STIM1: variants seen among roughly 807,000 people sequenced by gnomAD.
The protein encoded by STIM1 is stromal interaction molecule 1.
Under a neutral mutation model 74.7 loss-of-function variants are expected in STIM1, and 25 were observed. The ratio of observed to expected loss-of-function variants is 0.33; its 90% CI spans 0.24 to 0.47. STIM1 has a LOEUF of 0.47. Among genes scored for constraint, STIM1 ranks in the 20% least tolerant of loss-of-function variants. STIM1 has a pLI of 1.00. For synonymous variants in STIM1, 328 were observed against 348.8 expected (o/e 0.94, Z 0.66); for missense variants, 728 against 920.8 (o/e 0.79, Z 2.71).
At chr11:3,921,091 C>T (rs544481360) in intron 1 of STIM1, among the ~76,000 whole-genome samples, 2 of 152,062 alleles carry the variant, frequency 1.3e-5, no homozygotes, top group Admixed American at 6.6e-5. Flanking sequence ...CCACTGCACC[C>T]GACCTACCCT....
chr11:3,924,236 T>G (rs1433033480), intron 1 of STIM1, among the ~76,000 whole-genome samples: 3 of 150,506 alleles, frequency 2.0e-5, no homozygotes, highest in African/African-American at 7.4e-5. Context: ...TCTCCCTCTG[T>G]CACCCAGTCT....
At chr11:3,927,616 A>G (rs1045111903) in intron 1 of STIM1, among the ~76,000 whole-genome samples, 1 of 152,172 alleles carries the variant, frequency 6.6e-6, no homozygotes, top group Non-Finnish European at 1.5e-5. Context: ...AGCAGGGTGC[A>G]GTGATGGTGG....
Position 3,856,084 on chromosome 11 carries a change from C to T in STIM1, c.-187C>T. On this transcript the variant is annotated 5_prime_UTR_variant, in exon 1 of 13. Coordinates refer to ENST00000526596, the MANE Select transcript of STIM1 (RefSeq NM_001382567.1). ...TGGACCTGAGGAGCCAGCCCTCCTC[C>T]CGCACCCAAACTTGGAGCACTTGAC... The T allele has an allele frequency of 1.4e-6, 1 of 699,554 alleles. No homozygotes were observed. Among genetic ancestry groups the T allele is most frequent in the Non-Finnish European group, 2.4e-6 (1 of 413,868 alleles). 43.3% of individuals were successfully genotyped at this position (699,554 alleles called of 1,614,324 possible).
chr11:4,079,579 AAAAAT>A (rs1201983975), intron 7 of STIM1, among the ~76,000 whole-genome samples: 1 of 152,156 alleles, frequency 6.6e-6, no homozygotes, highest in African/African-American at 2.4e-5. Context: ...ATCTCAAAAA[AAAAAT>A]AAAATAAAAA....
At chr11:3,989,270 C>G in intron 2 of STIM1, 1 of 919,200 alleles carries the variant, frequency 1.1e-6, no homozygotes, top group Non-Finnish European at 1.8e-6. Flanking sequence ...TTAGCCACTT[C>G]GGCCTGTTTT....
chr11:3,895,093 A>G (rs371396328), intron 1 of STIM1, among the ~76,000 whole-genome samples: 4 of 152,168 alleles, frequency 2.6e-5, no homozygotes, highest in Non-Finnish European at 4.4e-5. Context: ...TCTTAGCAAT[A>G]GCTTTGGCTG....
chr11:3,928,046 TG>T (rs2092809814), intron 1 of STIM1, among the ~76,000 whole-genome samples: 2 of 152,218 alleles, frequency 1.3e-5, no homozygotes, highest in South Asian at 4.1e-4. Flanking sequence ...GGCCTAGATT[TG>T]TGCCTGAAAT....
intron 3 of STIM1, among the ~76,000 whole-genome samples, chr11:4,028,771 A>G (rs576383057): frequency 3.3e-5 from 5 of 152,262 alleles, no homozygotes; most frequent in Middle Eastern, 3.4e-3. Context: ...GTACCTATCA[A>G]TCTTTGATTC....
chr11:4,013,638 T>C (rs1423904790), intron 2 of STIM1, among the ~76,000 whole-genome samples: 1 of 151,026 alleles, frequency 6.6e-6, no homozygotes, highest in Non-Finnish European at 1.5e-5. Context: ...GTATGATTCT[T>C]CTCTCTTCTT....
chr11:4,091,259 C>T (rs1220966869), intron 12 of STIM1, 23 bp from the exon 13 acceptor site: 4 of 1,613,918 alleles, frequency 2.5e-6, no homozygotes, highest in African/African-American at 1.3e-5. Flanking sequence ...TCCCTTTCTT[C>T]CTCTCTGCCC....
intron 2 of STIM1, among the ~76,000 whole-genome samples, chr11:4,004,615 C>T (rs11030586): frequency 0.051 from 7,727 of 150,706 alleles, 325 homozygotes; most frequent in East Asian, 0.19. Context: ...AAACGTTAGA[C>T]CTAAAACCAT....
chr11:3,962,374 T>A (rs1014175641), intron 1 of STIM1, among the ~76,000 whole-genome samples: 1 of 152,044 alleles, frequency 6.6e-6, no homozygotes, highest in African/African-American at 2.4e-5. Flanking sequence ...TCACTTCAGA[T>A]AGCGGCCTCC....
intron 3 of STIM1, among the ~76,000 whole-genome samples, chr11:4,050,928 G>T (rs999989861): frequency 4.6e-5 from 7 of 152,214 alleles, no homozygotes; most frequent in Non-Finnish European, 1.0e-4. Context: ...AGTGGAAGTG[G>T]ATCATCATAA....
intron 11 of STIM1, 28 bp from the exon 12 acceptor site, chr11:4,086,449 C>T: frequency 6.2e-7 from 1 of 1,612,738 alleles, no homozygotes; most frequent in Non-Finnish European, 8.5e-7. Context: ...GCTGGCCCCT[C>T]CTGACACTTT....
chr11:3,983,395 G>C (rs928557145), intron 2 of STIM1, among the ~76,000 whole-genome samples: 2 of 152,088 alleles, frequency 1.3e-5, no homozygotes, highest in African/African-American at 4.8e-5. Context: ...ATGTCAGACT[G>C]AAGAGTCCTG....
intron 2 of STIM1, among the ~76,000 whole-genome samples, chr11:4,016,590 A>T (rs1480073440): frequency 6.6e-6 from 1 of 152,250 alleles, no homozygotes; most frequent in African/African-American, 2.4e-5. Flanking sequence ...CAGAGCTGTC[A>T]GGCAGGGACG....
chr11:3,965,692 A>T (rs2093333262), intron 1 of STIM1, among the ~76,000 whole-genome samples: 1 of 152,200 alleles, frequency 6.6e-6, no homozygotes, highest in Admixed American at 6.5e-5. Context: ...CATACTGTTT[A>T]TCATACTTTT....
chr11:3,885,189 T>G (rs1466153295), intron 1 of STIM1, among the ~76,000 whole-genome samples: 1 of 152,108 alleles, frequency 6.6e-6, no homozygotes, highest in African/African-American at 2.4e-5. Context: ...GATAATTTTT[T>G]TTTTTTTGAG....
rs1462206702 is a variant in STIM1, at chr11:3,863,262, GTGTGTA to G, written c.139+6857_139+6862del. ...TGTGTGTGTGTGTGTGTGTGTGTGT[GTGTGTA>G]TGTATTTGAGACAGGGTCTCTCTGT... is the stretch of plus-strand genomic sequence containing the variant. On this transcript the variant is annotated intron_variant, in intron 1 of 12. Transcript: ENST00000526596. Among the ~76,000 whole-genome samples the G allele has an allele frequency of 7.9e-4, 48 of 60,606 alleles. 1 individual carries two copies. Among genetic ancestry groups the G allele is most frequent in the African/African-American group, 2.6e-3 (32 of 12,192 alleles). The allele number at this position is 60,606 out of a possible 152,430, so 39.8% of individuals were successfully genotyped here. A position where few individuals can be genotyped will look rare whatever the true frequency, so the allele number is the denominator to read the frequency against.
Sources: allele counts gnomAD v4.1 joint callset (sites outside exome capture counted in the v4.1 genomes callset), GRCh38; gene constraint gnomAD v4.1.1; transcripts MANE v1.5; gene names NCBI Gene and HGNC (gene_info 2026-07-23, HGNC 2026-07-21).